VASP: variants seen among roughly 807,000 people sequenced by gnomAD.
VASP encodes vasodilator stimulated phosphoprotein.
A neutral mutation model predicts 54.4 loss-of-function variants in VASP; 27 were observed. The observed-to-expected ratio is 0.50, with a 90% CI of 0.37 to 0.68. The LOEUF (loss-of-function observed/expected upper bound fraction) is 0.68. Among genes scored for constraint, VASP ranks in the 30% least tolerant of loss-of-function variants. The pLI is 0.00. For missense variants in VASP, 488 were observed against 528.3 expected (o/e 0.92, Z 0.75); for synonymous variants, 233 against 209.8 (o/e 1.11, Z -0.96).
intron 1 of VASP, among the ~76,000 whole-genome samples, chr19:45,514,215 T>C (rs1408047797): frequency 6.6e-6 from 1 of 150,428 alleles, no homozygotes; most frequent in Non-Finnish European, 1.5e-5. Flanking sequence ...AGCATGGGGG[T>C]AGGAGGTCTA....
intron 6 of VASP, 48 bp downstream of exon 6, chr19:45,522,629 G>T: frequency 6.5e-7 from 1 of 1,530,626 alleles, no homozygotes; most frequent in South Asian, 1.3e-5. Context: ...CTTTTATGGG[G>T]GATGAGGCCA....
rs962845336 is a variant in VASP at position 45,507,646 on chromosome 19, CTA to C, written c.-124_-123del. On this transcript the variant is annotated 5_prime_UTR_variant, in exon 1 of 13. It removes an upstream start codon present in the reference 5' UTR. Transcript: ENST00000245932. The surrounding 1 kb of genome is among the most constrained non-coding windows in gnomAD (Gnocchi z 4.4). ...CACATTCTCCCCAGGAAGCCGGACT[CTA>C]TGGGGCGGGACCCTGGGGGAGCCTG... The C allele has an allele frequency of 2.8e-5, 36 of 1,287,316 alleles. No individual in the cohort carries two copies. In the African/African-American group the frequency reaches 5.0e-4, roughly 18 times the overall value. 79.7% of individuals were successfully genotyped at this position (1,287,316 alleles called of 1,614,324 possible).
chr19:45,522,267 G>C lies in VASP; in HGVS notation c.478+50G>C, dbSNP rs369899316. ...TTGGGAGGGGGCCTCCCTGGAGGAA[G>C]TGGCCAGCCAGCTGGACAGTGAAGA... On this transcript the variant is annotated intron_variant, in intron 5 of 12. Coordinates refer to ENST00000245932, the MANE Select transcript of VASP (RefSeq NM_003370.4). The C allele has an allele frequency of 6.8e-5, 109 of 1,614,142 alleles. No homozygotes were observed. The African/African-American group carries it at 1.3e-3, about 20-fold the overall frequency.
intron 1 of VASP, among the ~76,000 whole-genome samples, chr19:45,511,049 A>G (rs1043786354): frequency 1.3e-5 from 2 of 152,110 alleles, no homozygotes; most frequent in Non-Finnish European, 2.9e-5. Flanking sequence ...GATAAGCCAA[A>G]TGAAACCGAA....
At position 45,517,711 on chromosome 19, in the gene VASP, T is replaced by C. The variant is rs773707423; in HGVS notation, c.54T>C (p.Asp18=). Residue 18 remains aspartate, a synonymous_variant, in exon 2 of 13, where the codon GAT becomes GAC. Coordinates refer to ENST00000245932, the MANE Select transcript of VASP (RefSeq NM_003370.4). ...SSRATVMLYD[D]GNKRWLPAGT... ...GGGCCACTGTGATGCTTTATGATGATGGCAACAAGCGATGGCTCCCTGCTG... is the reference window on the plus strand; with the variant it reads ...GGGCCACTGTGATGCTTTATGATGACGGCAACAAGCGATGGCTCCCTGCTG... 7.4e-6 allele frequency: 12 copies of C among 1,612,652 alleles called. No homozygotes were observed. The South Asian group carries it at 9.9e-5, about 13-fold the overall frequency.
intron 3 of VASP, 114 bp downstream of exon 3, chr19:45,518,208 T>C: frequency 1.4e-6 from 2 of 1,394,106 alleles, no homozygotes; most frequent in African/African-American, 1.4e-5. Context: ...GCGAATTCAT[T>C]GTTATCATGG....
chr19:45,518,638 C>T (rs769109588), intron 3 of VASP, among the ~76,000 whole-genome samples: 4 of 152,172 alleles, frequency 2.6e-5, no homozygotes, highest in South Asian at 2.1e-4. Context: ...GGCACACTCC[C>T]GGGAAACCAC....
At chr19:45,520,265 CTCTGGTGCAGGT>C (rs1325203672) in intron 3 of VASP, among the ~76,000 whole-genome samples, 1 of 152,286 alleles carries the variant, frequency 6.6e-6, no homozygotes, top group African/African-American at 2.4e-5. Flanking sequence ...AAAGTGCAGG[CTCTGGTGCAGGT>C]GGGCTGGGCG....
At chr19:45,525,917 C>G in intron 11 of VASP, 29 bp from the exon 12 acceptor site, 2 of 1,600,880 alleles carry the variant, frequency 1.2e-6, no homozygotes, top group Non-Finnish European at 8.5e-7. Flanking sequence ...GGTACCCCCT[C>G]CTGATTAGTT....
intron 2 of VASP, 22 bp downstream of exon 2, chr19:45,517,856 C>CG (rs1206580696): frequency 1.2e-6 from 2 of 1,610,694 alleles, no homozygotes; most frequent in Non-Finnish European, 1.7e-6. Context: ...CGCCGGCCCC[C>CG]TCTGTGGGCT....
chr19:45,510,713 G>A (rs1355887921), intron 1 of VASP, among the ~76,000 whole-genome samples: 2 of 152,104 alleles, frequency 1.3e-5, no homozygotes, highest in East Asian at 1.9e-4. Flanking sequence ...CAGAAGGATC[G>A]CTTGAGCCCA....
intron 12 of VASP, 50 bp downstream of exon 12, chr19:45,526,053 G>A (rs565945584): frequency 1.2e-6 from 2 of 1,613,454 alleles, no homozygotes; most frequent in Admixed American, 3.3e-5. Flanking sequence ...TTATTTTGGA[G>A]GCATCATGTC....
At chr19:45,517,903 CT>C in intron 2 of VASP, 25 bp from the exon 3 acceptor site, 3 of 1,600,948 alleles carry the variant, frequency 1.9e-6, no homozygotes, top group Non-Finnish European at 2.6e-6. Context: ...CCCGCCGCCC[CT>C]CACCCCCCTT....
chr19:45,526,416 T>G lies in VASP; in HGVS notation c.*239T>G. The G allele has an allele frequency of 2.0e-6, 1 of 490,586 alleles. No individual in the cohort carries two copies. The allele number at this position is 490,586 out of a possible 1,614,324, so 30.4% of individuals were successfully genotyped here. A position where few individuals can be genotyped will look rare whatever the true frequency, so the allele number is the denominator to read the frequency against. ...TCCCTTTGGTCCTTCCCCTCTGCCA[T>G]CCCCTTGGGGCCGGTCCCTCTGCTG... On this transcript the variant is annotated 3_prime_UTR_variant, in exon 13 of 13. Coordinates refer to ENST00000245932, the MANE Select transcript of VASP (RefSeq NM_003370.4).
chr19:45,517,773 A>T lies in VASP; in HGVS notation c.116A>T (p.Tyr39Phe). The T allele has an allele frequency of 6.2e-7, 1 of 1,613,724 alleles. No individual in the cohort carries two copies. Among genetic ancestry groups the T allele is most frequent in the Non-Finnish European group, 8.5e-7 (1 of 1,179,974 alleles). ...CAGGCCTTCAGCCGCGTCCAGATCT[A>T]CCACAACCCCACGGCCAATTCCTTT... is the stretch of plus-strand genomic sequence containing the variant. ...GPQAFSRVQI[Y>F]HNPTANSFRV... The change falls in exon 2 of 13, where the codon TAC becomes TTC. Residue 39 changes from tyrosine to phenylalanine, a missense_variant. By Grantham distance (22) the Tyr-to-Phe change is conservative (BLOSUM62 3). This residue lies in a region of VASP where 127 missense variants were observed against 170.7 expected (regional missense o/e 0.74). Transcript: ENST00000245932.
chr19:45,508,461 G>T (rs1024418123), intron 1 of VASP, among the ~76,000 whole-genome samples: 3 of 151,968 alleles, frequency 2.0e-5, no homozygotes, highest in Non-Finnish European at 4.4e-5. Context: ...GCCTAGGACC[G>T]AGCGGGCGCT....
At position 45,518,109 on chromosome 19, in the gene VASP, C is replaced by CGGGCAAAGGGGACCA; in HGVS notation, c.343+17_343+31dup. The CGGGCAAAGGGGACCA allele has an allele frequency of 6.2e-7, 1 of 1,609,228 alleles. No individual in the cohort carries two copies. On this transcript the variant is annotated intron_variant, in intron 3 of 12. Transcript: ENST00000245932. ...GGCGTTGGAAGGTCAGAAATGGCGG[C>CGGGCAAAGGGGACCA]GGGCAAAGGGGACCAGTGAATGCGG... is the stretch of plus-strand genomic sequence containing the variant.
chr19:45,524,928 T>C (rs1218142142), intron 11 of VASP: 3 of 362,472 alleles, frequency 8.3e-6, no homozygotes, highest in South Asian at 5.4e-5. Flanking sequence ...CCATCACCAA[T>C]TGGAGTTGGC....
In VASP at chr19:45,507,608, C is replaced by A; in HGVS notation, c.-164C>A. On this transcript the variant is annotated 5_prime_UTR_variant, in exon 1 of 13. Coordinates refer to ENST00000245932, the MANE Select transcript of VASP (RefSeq NM_003370.4). The surrounding 1 kb of genome is among the most constrained non-coding windows in gnomAD (Gnocchi z 4.4). Reference sequence around the variant, plus strand: ...GAGGGAAGCGGCGCCCGGAGACCCGCCCCGGCCCGGTCCACATTCTCCCCA... The same window carrying A: ...GAGGGAAGCGGCGCCCGGAGACCCGACCCGGCCCGGTCCACATTCTCCCCA... The A allele has an allele frequency of 1.2e-6, 1 of 841,544 alleles. No homozygotes were observed. The highest frequency in any genetic ancestry group is 3.3e-5 in the East Asian group (1 of 30,222). The allele number at this position is 841,544 out of a possible 1,614,324, so 52.1% of individuals were successfully genotyped here.
Sources: gnomAD v4.1 joint callset for allele counts (sites outside exome capture counted in the v4.1 genomes callset) on GRCh38, gnomAD v4.1.1 for gene constraint, gnomAD v4.1.1 regional missense constraint, Gnocchi (gnomAD v3.1) non-coding constraint, MANE v1.5 for transcripts, NCBI Gene and HGNC (gene_info 2026-07-23, HGNC 2026-07-21) for gene names.